The following PLCB1 variants were observed in gnomAD, a reference collection of about 807,000 sequenced individuals.
The protein encoded by PLCB1 is phospholipase C beta 1, also known as 1-phosphatidylinositol 4,5-bisphosphate phosphodiesterase beta-1.
In PLCB1, 46 loss-of-function variants were observed where a neutral mutation model predicts 161.8. The ratio of observed to expected loss-of-function variants is 0.28; its 90% confidence interval spans 0.22 to 0.36. PLCB1 has a LOEUF of 0.36. Ranked by LOEUF, PLCB1 falls within the 10% of genes least tolerant of loss-of-function variation. The pLI is 1.00. For synonymous variants in PLCB1, 517 were observed against 503.7 expected (o/e 1.03, Z -0.35); for missense variants, 1,016 against 1,472.5 (o/e 0.69, Z 5.07).
chr20:8,405,526 C>G (rs900750775), intron 3 of PLCB1, among the ~76,000 whole-genome samples: 2 of 152,166 alleles, frequency 1.3e-5, no homozygotes, highest in Non-Finnish European at 2.9e-5. Context: ...GAGCTACAGT[C>G]ATGTTGCAAA....
intron 2 of PLCB1, among the ~76,000 whole-genome samples, chr20:8,238,152 C>G (rs1980421352): frequency 6.6e-6 from 1 of 151,934 alleles, no homozygotes. Flanking sequence ...CTTAAACTTC[C>G]TGGAAGGAGA....
At chr20:8,527,557 T>C (rs1228080592) in intron 3 of PLCB1, among the ~76,000 whole-genome samples, 1 of 152,094 alleles carries the variant, frequency 6.6e-6, no homozygotes, top group Non-Finnish European at 1.5e-5. Context: ...ATTTCACTTA[T>C]ATGAAGTATA....
chr20:8,271,780 T>A (rs1438406323), intron 2 of PLCB1, among the ~76,000 whole-genome samples: 11 of 152,120 alleles, frequency 7.2e-5, no homozygotes, highest in Admixed American at 7.2e-4. Flanking sequence ...TGTAGGTGTA[T>A]GGGCTGAAGC....
intron 23 of PLCB1, among the ~76,000 whole-genome samples, chr20:8,743,026 G>A (rs1600291593): frequency 6.6e-6 from 1 of 152,248 alleles, no homozygotes; most frequent in East Asian, 1.9e-4. Context: ...TTTCCAGTTT[G>A]GATGCCCTTT....
intron 3 of PLCB1, among the ~76,000 whole-genome samples, chr20:8,572,896 G>T (rs931895096): frequency 7.9e-5 from 12 of 152,116 alleles, no homozygotes; most frequent in Admixed American, 3.9e-4. Context: ...GCTGGTGAAA[G>T]GTCATTTTTG....
At chr20:8,880,856 C>CTTTTTTTTTTTTTTTTTTTTTTTTTT (rs753470997) in intron 31 of PLCB1, 4 of 107,584 alleles carry the variant, frequency 3.7e-5, no homozygotes, top group East Asian at 3.1e-4. Flanking sequence ...TTCTTTCTTT[C>CTTTTTTTTTTTTTTTTTTTTTTTTTT]TTTCTTTTTT....
chr20:8,760,351 G>A, intron 24 of PLCB1, 56 bp from the exon 25 acceptor site: 2 of 1,055,422 alleles, frequency 1.9e-6, no homozygotes, highest in South Asian at 1.4e-5. Flanking sequence ...TTGTTTACAG[G>A]AAGAATAAAA....
chr20:8,823,313 G>A (rs528019962), intron 31 of PLCB1, among the ~76,000 whole-genome samples: 1 of 152,186 alleles, frequency 6.6e-6, no homozygotes, highest in East Asian at 1.9e-4. Context: ...AGTACAGATG[G>A]GGTTTCACCA....
At position 8,767,647 on chromosome 20, in the gene PLCB1, C is replaced by T. The variant is rs924412156; in HGVS notation, c.2930+2289C>T. On this transcript the variant is annotated intron_variant, in intron 26 of 31. Transcript: ENST00000338037. ...CTCTCAGAACCCCACATGTGGACTG[C>T]GCATCATAGCTTATCATGGGACTTT... Among the ~76,000 whole-genome samples the T allele has an allele frequency of 5.3e-5, 8 of 152,190 alleles. No homozygotes were observed. The South Asian group carries it at 1.0e-3, about 20-fold the overall frequency.
chr20:8,670,275 A>G (rs1275612660), intron 9 of PLCB1, among the ~76,000 whole-genome samples: 1 of 152,212 alleles, frequency 6.6e-6, no homozygotes, highest in Non-Finnish European at 1.5e-5. Flanking sequence ...CTGCCTACCA[A>G]ATAGAATGAT....
At chr20:8,717,945 C>CT in intron 14 of PLCB1, 97 bp downstream of exon 14, 1 of 1,048,544 alleles carries the variant, frequency 9.5e-7, no homozygotes. Flanking sequence ...AATACTACTA[C>CT]TTTTGGAGGC....
chr20:8,799,700 C>A (rs1281720780), intron 31 of PLCB1, among the ~76,000 whole-genome samples: 1 of 152,174 alleles, frequency 6.6e-6, no homozygotes, highest in Non-Finnish European at 1.5e-5. Context: ...AAGAGAAATA[C>A]TCTCATCCCT....
At chr20:8,448,357 A>G (rs186052527) in intron 3 of PLCB1, among the ~76,000 whole-genome samples, 5 of 152,328 alleles carry the variant, frequency 3.3e-5, no homozygotes, top group Admixed American at 2.0e-4. Flanking sequence ...GTTGATAATT[A>G]TAGCTTTTCG....
chr20:8,711,920 C>T lies in PLCB1; in HGVS notation c.1250+3168C>T, dbSNP rs540716063. Among the ~76,000 whole-genome samples the T allele has an allele frequency of 5.3e-5, 8 of 152,254 alleles. No individual in the cohort carries two copies. The South Asian group carries it at 1.5e-3, about 28-fold the overall frequency. On this transcript the variant is annotated intron_variant, in intron 12 of 31. Coordinates refer to ENST00000338037, the MANE Select transcript of PLCB1 (RefSeq NM_015192.4). Reference sequence around the variant, plus strand: ...CATCTCTGATGAACTATTTTATTTCCCTGTGTGCTGCATGTATGGAATTTC... The same window carrying T: ...CATCTCTGATGAACTATTTTATTTCTCTGTGTGCTGCATGTATGGAATTTC...
intron 3 of PLCB1, among the ~76,000 whole-genome samples, chr20:8,382,799 G>A (rs913924741): frequency 2.6e-5 from 4 of 151,990 alleles, no homozygotes; most frequent in African/African-American, 4.8e-5. Context: ...AGCCCACCTC[G>A]GCCTCCCAAA....
At chr20:8,512,806 C>T (rs1372496633) in intron 3 of PLCB1, among the ~76,000 whole-genome samples, 4 of 152,120 alleles carry the variant, frequency 2.6e-5, no homozygotes. Context: ...GTGGTACAAA[C>T]ATTTCAAATT....
intron 3 of PLCB1, among the ~76,000 whole-genome samples, chr20:8,609,080 T>C (rs74489766): frequency 6.6e-6 from 1 of 152,182 alleles, no homozygotes; most frequent in South Asian, 2.1e-4. Flanking sequence ...AAAACTTTAT[T>C]GATTTGAAAG....
intron 4 of PLCB1, among the ~76,000 whole-genome samples, chr20:8,629,988 TTC>T (rs758074039): frequency 1.0e-4 from 13 of 124,246 alleles, no homozygotes; most frequent in Non-Finnish European, 1.8e-4. Context: ...CTTTCTTTCT[TTC>T]TTTCTTTCTT....
At chr20:8,726,113 C>T (rs1354490516) in intron 16 of PLCB1, among the ~76,000 whole-genome samples, 5 of 151,798 alleles carry the variant, frequency 3.3e-5, no homozygotes, top group Admixed American at 6.6e-5. Flanking sequence ...GTTTTAATTT[C>T]GAAAGAGAGG....
Sources: allele counts gnomAD v4.1 joint callset (sites outside exome capture counted in the v4.1 genomes callset), GRCh38; gene constraint gnomAD v4.1.1; transcripts MANE v1.5; gene names NCBI Gene and HGNC (gene_info 2026-07-23, HGNC 2026-07-21).